Variants in MAGI2 observed in about 807,000 individuals in gnomAD.
MAGI2 encodes the protein membrane associated guanylate kinase, WW and PDZ domain containing 2.
Under a neutral mutation model 133.3 loss-of-function variants are expected in MAGI2, and 35 were observed. The observed-to-expected ratio is 0.26, with a 90% CI of 0.20 to 0.35. The LOEUF (loss-of-function observed/expected upper bound fraction) is 0.35. MAGI2 is among the 10% of genes least tolerant of loss of function. The pLI is 1.00. For missense variants in MAGI2, 1,636 were observed against 1,863.4 expected (o/e 0.88, Z 2.25); for synonymous variants, 729 against 710.6 (o/e 1.03, Z -0.41).
At chr7:78,584,578 G>A (rs1325936653) in intron 3 of MAGI2, among the ~76,000 whole-genome samples, 2 of 152,132 alleles carry the variant, frequency 1.3e-5, no homozygotes, top group African/African-American at 2.4e-5. Context: ...CAGAGCACAC[G>A]AAACATATGT....
At chr7:78,130,532 A>G (rs1322588814) in intron 18 of MAGI2, among the ~76,000 whole-genome samples, 1 of 152,204 alleles carries the variant, frequency 6.6e-6, no homozygotes, top group African/African-American at 2.4e-5. Context: ...TACCATGGCC[A>G]TCTTTAAATG....
In MAGI2 at chr7:78,306,381, A is replaced by G. The variant is rs551987733; in HGVS notation, c.1408+37397T>C. ...TGGCATCTAAAATAACAGCACTTCG[A>G]TAAGTTATTGTTCATTCATTCAATT... On this transcript the variant is annotated intron_variant, in intron 9 of 21. Transcript: ENST00000354212. 4.6e-5 allele frequency among the ~76,000 whole-genome samples: 7 copies of G among 152,328 alleles called. No homozygotes were observed. In the South Asian group the frequency reaches 8.3e-4, roughly 18 times the overall value.
At position 79,377,744 on chromosome 7, in the gene MAGI2, C is replaced by T. The variant is rs549588409; in HGVS notation, c.301+75276G>A. On this transcript the variant is annotated intron_variant, in intron 1 of 21. Transcript: ENST00000354212. Reference sequence around the variant, plus strand: ...TGGAGGGAACAATTAGTGACAGTGACTTGATTGTGGAAAATTGAGTGCCTA... The same window carrying T: ...TGGAGGGAACAATTAGTGACAGTGATTTGATTGTGGAAAATTGAGTGCCTA... Among the ~76,000 whole-genome samples the T allele has an allele frequency of 4.6e-4, 70 of 151,862 alleles. 1 individual carries two copies. In the South Asian group the frequency reaches 6.2e-3, roughly 14 times the overall value.
At chr7:78,390,746 C>T (rs544248810) in intron 6 of MAGI2, among the ~76,000 whole-genome samples, 1 of 152,120 alleles carries the variant, frequency 6.6e-6, no homozygotes, top group Non-Finnish European at 1.5e-5. Context: ...TTATCTTTTA[C>T]ATTTTCCATG....
chr7:78,497,765 T>TA (rs199508717), intron 5 of MAGI2, among the ~76,000 whole-genome samples: 29,917 of 140,886 alleles, frequency 0.21, 3,864 homozygotes, highest in African/African-American at 0.39. Context: ...TCTATCTATC[T>TA]TTCTATCTTA....
chr7:78,913,417 C>T (rs1465184732), intron 2 of MAGI2, among the ~76,000 whole-genome samples: 1 of 152,098 alleles, frequency 6.6e-6, no homozygotes, highest in Non-Finnish European at 1.5e-5. Flanking sequence ...TGCCTTCTGC[C>T]GTGATTGTAA....
Position 78,991,021 on chromosome 7 carries a change from TG to T in MAGI2, c.418+16068del, listed in dbSNP as rs946595315. Among the ~76,000 whole-genome samples the T allele has an allele frequency of 4.0e-5, 6 of 149,794 alleles. No individual in the cohort carries two copies. In the East Asian group the frequency reaches 1.2e-3, roughly 30 times the overall value. On this transcript the variant is annotated intron_variant, in intron 2 of 21. Coordinates refer to ENST00000354212, the MANE Select transcript of MAGI2 (RefSeq NM_012301.4). Reference sequence around the variant, plus strand: ...CCCATGTGTCGAGGGAGGGATTTGGTGGGGGGTGATTAGATCATGGGGGCAG... The same window carrying T: ...CCCATGTGTCGAGGGAGGGATTTGGTGGGGGTGATTAGATCATGGGGGCAG...
rs189127022 is a variant in MAGI2, at chr7:78,551,803, G to A, written c.539-30158C>T. Among the ~76,000 whole-genome samples, 6 of 152,314 alleles carry A rather than the reference G, an allele frequency of 3.9e-5. No individual in the cohort carries two copies. In the East Asian group the frequency reaches 9.6e-4, roughly 24 times the overall value. Reference sequence around the variant, plus strand: ...TTTGTTACCCAGGCTGGAGGGCAGCGGTGCGAACCTGGCTCACTGCAGCCT... The same window carrying A: ...TTTGTTACCCAGGCTGGAGGGCAGCAGTGCGAACCTGGCTCACTGCAGCCT... On this transcript the variant is annotated intron_variant, in intron 3 of 21. Coordinates refer to ENST00000354212, the MANE Select transcript of MAGI2 (RefSeq NM_012301.4).
chr7:78,873,375 G>T (rs1044098395), intron 2 of MAGI2, among the ~76,000 whole-genome samples: 7 of 151,980 alleles, frequency 4.6e-5, no homozygotes, highest in Non-Finnish European at 8.8e-5. Flanking sequence ...CCCATCGCTG[G>T]CATTACTCCC....
At chr7:78,454,185 A>T (rs1299217085) in intron 6 of MAGI2, among the ~76,000 whole-genome samples, 1 of 152,134 alleles carries the variant, frequency 6.6e-6, no homozygotes, top group East Asian at 1.9e-4. Context: ...TGAGTAGGAA[A>T]CCGACAGGAT....
intron 8 of MAGI2, 96 bp from the exon 9 acceptor site, chr7:78,344,056 G>A (rs1243306109): frequency 1.9e-6 from 2 of 1,045,838 alleles, no homozygotes; most frequent in East Asian, 2.7e-5. Context: ...ACAATCCCAG[G>A]GGTAAATGTG....
intron 3 of MAGI2, among the ~76,000 whole-genome samples, chr7:78,573,682 TA>T (rs1402349465): frequency 6.6e-6 from 1 of 151,456 alleles, no homozygotes; most frequent in Non-Finnish European, 1.5e-5. Flanking sequence ...ATTATGCTTT[TA>T]CATTTAAAAT....
intron 2 of MAGI2, among the ~76,000 whole-genome samples, chr7:78,641,258 C>T (rs1461733021): frequency 6.6e-6 from 1 of 152,086 alleles, no homozygotes; most frequent in Non-Finnish European, 1.5e-5. Context: ...TGTTTAACCT[C>T]CTGGAAAAAG....
chr7:79,444,759 A>G (rs374048673), intron 1 of MAGI2, among the ~76,000 whole-genome samples: 1 of 152,220 alleles, frequency 6.6e-6, no homozygotes, highest in Non-Finnish European at 1.5e-5. Context: ...TATAGATTCA[A>G]TGCTATCCCC....
chr7:78,455,550 C>G (rs530883150), intron 6 of MAGI2, among the ~76,000 whole-genome samples: 1 of 152,166 alleles, frequency 6.6e-6, no homozygotes, highest in Admixed American at 6.5e-5. Context: ...CCCAATTTCT[C>G]TCACCCACAA....
intron 21 of MAGI2, among the ~76,000 whole-genome samples, chr7:78,060,850 T>C (rs924882368): frequency 6.6e-6 from 1 of 152,052 alleles, no homozygotes; most frequent in Non-Finnish European, 1.5e-5. Context: ...TGGGGCCAAA[T>C]CACGGATGGC....
intron 1 of MAGI2, among the ~76,000 whole-genome samples, chr7:79,033,830 CTG>C (rs1454718123): frequency 2.0e-5 from 3 of 152,046 alleles, no homozygotes; most frequent in Non-Finnish European, 4.4e-5. Context: ...GTGGTTAACA[CTG>C]TAAATAAATT....
chr7:78,070,218 TAC>T (rs374567182), intron 21 of MAGI2, among the ~76,000 whole-genome samples: 31 of 52,256 alleles, frequency 5.9e-4, no homozygotes, highest in South Asian at 8.7e-4. Context: ...TATATATATA[TAC>T]ACACACACAC....
At chr7:78,133,089 C>G (rs1821743004) in intron 17 of MAGI2, 29 bp from the exon 18 acceptor site, 1 of 1,512,202 alleles carries the variant, frequency 6.6e-7, no homozygotes, top group African/African-American at 1.4e-5. Flanking sequence ...GCGGCAGATG[C>G]AGTCAGGTTA....
Sources: allele counts gnomAD v4.1 joint callset (sites outside exome capture counted in the v4.1 genomes callset), GRCh38; gene constraint gnomAD v4.1.1; transcripts MANE v1.5; gene names NCBI Gene and HGNC (gene_info 2026-07-23, HGNC 2026-07-21).